CC2D2A: variants seen among roughly 807,000 people sequenced by gnomAD.
The protein encoded by CC2D2A is coiled-coil and C2 domain containing 2A, also known as coiled-coil and C2 domain-containing protein 2A.
A neutral mutation model predicts 212.9 loss-of-function variants in CC2D2A; 155 were observed. That is an observed-to-expected ratio of 0.73 (90% CI 0.64 to 0.83). The LOEUF is 0.83. Among genes scored for constraint, CC2D2A ranks in the 40% least tolerant of loss-of-function variants. CC2D2A has a pLI of 0.00. For missense variants in CC2D2A, 1,856 were observed against 1,956.2 expected (o/e 0.95, Z 0.97); for synonymous variants, 667 against 686.5 (o/e 0.97, Z 0.44).
In CC2D2A at chr4:15,506,917, C is replaced by CA. The variant is rs548757927; in HGVS notation, c.439-3211dup. ...TGAAACCCCATCTCTACTAAAAATACAAAAAAAAAAATTAGCCGGGTTTGG... is the reference window on the plus strand; with the variant it reads ...TGAAACCCCATCTCTACTAAAAATACAAAAAAAAAAAATTAGCCGGGTTTGG... On this transcript the variant is annotated intron_variant, in intron 6 of 36. Coordinates refer to ENST00000424120, the MANE Select transcript of CC2D2A (RefSeq NM_001378615.1). Among the ~76,000 whole-genome samples the CA allele has an allele frequency of 1.3e-3, 192 of 143,756 alleles. 2 individuals carry two copies. Among genetic ancestry groups the CA allele is most frequent in the South Asian group, 3.5e-3 (16 of 4,512 alleles). 94.3% of individuals were successfully genotyped at this position (143,756 alleles called of 152,430 possible).
chr4:15,591,213 C>T (rs1721090815), intron 33 of CC2D2A, among the ~76,000 whole-genome samples: 2 of 130,418 alleles, frequency 1.5e-5, no homozygotes, highest in Admixed American at 9.6e-5. Context: ...TGAAGACCAT[C>T]AGTCTATTTT....
chr4:15,579,902 G>A (rs1302933963), intron 29 of CC2D2A, 66 bp from the exon 30 acceptor site: 1 of 1,289,028 alleles, frequency 7.8e-7, no homozygotes, highest in Admixed American at 1.7e-5. Context: ...GTTGACTGTG[G>A]AATCTGAACA....
chr4:15,516,329 CTG>C (rs1169755764), intron 10 of CC2D2A, among the ~76,000 whole-genome samples: 1 of 151,858 alleles, frequency 6.6e-6, no homozygotes, highest in South Asian at 2.1e-4. Flanking sequence ...AGTTTTTATT[CTG>C]TGTTTTTTTT....
chr4:15,564,572 C>A (rs1446299564), intron 24 of CC2D2A, among the ~76,000 whole-genome samples: 1 of 152,216 alleles, frequency 6.6e-6, no homozygotes, highest in African/African-American at 2.4e-5. Context: ...TCAGCCCTAA[C>A]TGTTTCCTTG....
chr4:15,503,294 C>G (rs1716070744), intron 6 of CC2D2A, among the ~76,000 whole-genome samples: 1 of 152,120 alleles, frequency 6.6e-6, no homozygotes, highest in African/African-American at 2.4e-5. Flanking sequence ...CAGTGAGACC[C>G]TATTTCAAAA....
chr4:15,472,762 CCTCT>C (rs1291202415), intron 1 of CC2D2A, among the ~76,000 whole-genome samples: 2 of 151,810 alleles, frequency 1.3e-5, no homozygotes, highest in East Asian at 1.9e-4. Flanking sequence ...TATCTCCTTG[CCTCT>C]CTATTTTCTT....
rs897543991 is a variant in CC2D2A at position 15,589,562 on chromosome 4, G to A, written c.4197G>A (p.Val1399=). 2.0e-5 allele frequency: 33 copies of A among 1,611,986 alleles called. No individual in the cohort carries two copies. Among genetic ancestry groups the A allele is most frequent in the Non-Finnish European group, 2.8e-5 (33 of 1,178,856 alleles). The change falls in exon 33 of 37, where the codon GTG becomes GTA. Residue 1399 remains valine (V), a synonymous_variant. Transcript: ENST00000424120. ...NAIPEGPTAY[V]LTWEQGRYLI... ...TCTTTCAGGGTCCAACTGCCTATGT[G>A]CTAACTTGGGAGCAAGGTCGTTATT... is the stretch of plus-strand genomic sequence containing the variant.
chr4:15,568,874 T>C (rs1367467149), intron 26 of CC2D2A, among the ~76,000 whole-genome samples: 1 of 151,830 alleles, frequency 6.6e-6, no homozygotes, highest in African/African-American at 2.4e-5. Context: ...CAGTAGGAGG[T>C]TTATCACTGG....
chr4:15,505,763 GA>G (rs1716221102), intron 6 of CC2D2A, among the ~76,000 whole-genome samples: 1 of 152,174 alleles, frequency 6.6e-6, no homozygotes, highest in Non-Finnish European at 1.5e-5. Context: ...TACTTCAAAG[GA>G]AACCATTGAA....
At chr4:15,513,110 T>A (rs949097760) in intron 8 of CC2D2A, among the ~76,000 whole-genome samples, 1 of 152,164 alleles carries the variant, frequency 6.6e-6, no homozygotes, top group Non-Finnish European at 1.5e-5. Context: ...CTCCCGGAAA[T>A]GTACTTTTTT....
rs1459761678 is a variant in CC2D2A at position 15,569,364 on chromosome 4, A to G, written c.3470A>G (p.Asp1157Gly). The G allele has an allele frequency of 6.4e-7, 1 of 1,574,404 alleles. No individual in the cohort carries two copies. Among genetic ancestry groups the G allele is most frequent in the Non-Finnish European group, 8.6e-7 (1 of 1,157,128 alleles). The change falls in exon 27 of 37, where the codon GAT becomes GGT. Residue 1157 changes from aspartate to glycine, a missense_variant. Asp to Gly is a moderately conservative substitution (Grantham distance 94). Coordinates refer to ENST00000424120, the MANE Select transcript of CC2D2A (RefSeq NM_001378615.1). ...GATGTTGTGTTCATTAACATTTTTG[A>G]TGAAGTACTGCATGATGTCTTAGAG... ...VKDVVFINIF[D>G]EVLHDVLEDD...
Position 15,561,946 on chromosome 4 carries a change from G to A in CC2D2A, c.3014+1324G>A, listed in dbSNP as rs142767903. Among the ~76,000 whole-genome samples the A allele has an allele frequency of 1.8e-4, 27 of 152,240 alleles. 1 individual carries two copies. In the East Asian group the frequency reaches 4.0e-3, roughly 23 times the overall value. Reference sequence around the variant, plus strand: ...CCTTCAGCAAATCATAACACCTCTCGTAGCCTCTAATTTCTTCATCTGAAA... The same window carrying A: ...CCTTCAGCAAATCATAACACCTCTCATAGCCTCTAATTTCTTCATCTGAAA... On this transcript the variant is annotated intron_variant, in intron 23 of 36. Transcript: ENST00000424120.
Position 15,578,368 on chromosome 4 carries a change from C to A in CC2D2A, c.3772-1600C>A, listed in dbSNP as rs558085645. Among the ~76,000 whole-genome samples the A allele has an allele frequency of 5.3e-5, 8 of 152,240 alleles. 1 individual carries two copies. The South Asian group carries it at 1.5e-3, about 28-fold the overall frequency. ...TGGAATAGAAGCCACAGTTCAGCCC[C>A]AATATAAGGGGCAGACAAGAACAAT... On this transcript the variant is annotated intron_variant, in intron 29 of 36. Transcript: ENST00000424120.
Position 15,510,135 on chromosome 4 carries a change from A to T in CC2D2A, c.439-4A>T. 6.2e-7 allele frequency: 1 copy of T among 1,608,346 alleles called. No homozygotes were observed. On this transcript the variant is annotated splice_polypyrimidine_tract_variant and splice_region_variant and intron_variant, in intron 6 of 36. Coordinates refer to ENST00000424120, the MANE Select transcript of CC2D2A (RefSeq NM_001378615.1). The stretch of plus-strand genomic sequence containing the variant: ...TTATCTATCATTTTTTTCCACTCAT[A>T]TAGCCAGGGAAAGAGGTAGAAAGGA...
chr4:15,599,829 G>A, intron 36 of CC2D2A, 123 bp downstream of exon 36: 2 of 612,482 alleles, frequency 3.3e-6, no homozygotes, highest in East Asian at 3.1e-5. Flanking sequence ...ATTTAAAGCA[G>A]CATAAACTAA....
chr4:15,487,785 T>TA (rs35503243), intron 4 of CC2D2A, among the ~76,000 whole-genome samples: 5,464 of 129,942 alleles, frequency 0.042, 166 homozygotes, highest in Admixed American at 0.074. Context: ...AGTAGTATGT[T>TA]AAAAAAATTT....
chr4:15,561,244 T>C (rs1446136545), intron 23 of CC2D2A, among the ~76,000 whole-genome samples: 1 of 152,238 alleles, frequency 6.6e-6, no homozygotes, highest in African/African-American at 2.4e-5. Flanking sequence ...AGATGAAAGA[T>C]AATTTCCCAT....
chr4:15,508,636 A>G (rs948568904), intron 6 of CC2D2A, among the ~76,000 whole-genome samples: 5 of 152,206 alleles, frequency 3.3e-5, no homozygotes, highest in African/African-American at 1.2e-4. Flanking sequence ...AGTGCCTGAT[A>G]TGAATCAGAC....
rs79995149 is a variant in CC2D2A, at chr4:15,541,159, A to G, written c.2181+145A>G. 25,297 of 464,458 alleles carry G rather than the reference A, an allele frequency of 0.054. 1,887 individuals carry two copies. The highest frequency in any genetic ancestry group is 0.35 in the East Asian group (9,085 of 25,654). 28.8% of individuals were successfully genotyped at this position (464,458 alleles called of 1,614,324 possible). A position where few individuals can be genotyped will look rare whatever the true frequency, so the allele number is the denominator to read the frequency against. On this transcript the variant is annotated intron_variant, in intron 17 of 36. Transcript: ENST00000424120. ...AAACCACATCTCTACTGTAAATACAAAAAAAAAAAATTAGCCAAGTGTGCT... is the reference window on the plus strand; with the variant it reads ...AAACCACATCTCTACTGTAAATACAGAAAAAAAAAATTAGCCAAGTGTGCT...
Sources: gnomAD v4.1 joint callset for allele counts (sites outside exome capture counted in the v4.1 genomes callset) on GRCh38, gnomAD v4.1.1 for gene constraint, MANE v1.5 for transcripts, NCBI Gene and HGNC (gene_info 2026-07-23, HGNC 2026-07-21) for gene names.